EHBP1: variants seen among roughly 807,000 people sequenced by gnomAD.
EHBP1 encodes the protein EH domain binding protein 1.
In EHBP1, 55 loss-of-function variants were observed where a neutral mutation model predicts 144.0. The ratio of observed to expected loss-of-function variants is 0.38; its 90% CI spans 0.31 to 0.48. The LOEUF (loss-of-function observed/expected upper bound fraction) is 0.48. EHBP1 is among the 20% of genes least tolerant of loss of function. EHBP1 has a pLI of 0.98. For synonymous variants in EHBP1, 469 were observed against 472.7 expected, an observed-to-expected ratio of 0.99 and a Z score of 0.10; for missense variants, 1,200 against 1,364.2, an observed-to-expected ratio of 0.88 and a Z score of 1.90.
chr2:62,962,972 A>C (rs2058070540), intron 14 of EHBP1, among the ~76,000 whole-genome samples: 1 of 152,238 alleles, frequency 6.6e-6, no homozygotes, highest in Non-Finnish European at 1.5e-5. Context: ...CTTTTCTCAC[A>C]TAACAGGTAG....
chr2:62,739,899 G>A (rs970075170), intron 2 of EHBP1, among the ~76,000 whole-genome samples: 7 of 142,762 alleles, frequency 4.9e-5, no homozygotes, highest in African/African-American at 7.9e-5. Flanking sequence ...TCACTCCCTT[G>A]TACTCCAGCC....
In EHBP1 at chr2:62,926,778, A is replaced by G. The variant is rs189731951; in HGVS notation, c.1186-15940A>G. On this transcript the variant is annotated intron_variant, in intron 10 of 22. Coordinates refer to ENST00000431489, the MANE Select transcript of EHBP1 (RefSeq NM_001142616.3). ...CACTATAGCCGCTATGGAGAACACT[A>G]TGGAGGTCTCACAAAAAATAAATAG... Among the ~76,000 whole-genome samples the G allele has an allele frequency of 2.1e-4, 32 of 152,274 alleles. 1 individual carries two copies. The East Asian group carries it at 5.0e-3, about 24-fold the overall frequency.
intron 14 of EHBP1, among the ~76,000 whole-genome samples, chr2:62,958,579 A>G (rs1022360143): frequency 6.6e-6 from 1 of 152,222 alleles, no homozygotes; most frequent in African/African-American, 2.4e-5. Context: ...CAAACTTTCT[A>G]GAGGGATAGA....
intron 19 of EHBP1, among the ~76,000 whole-genome samples, chr2:63,008,120 A>G (rs1054939480): frequency 3.3e-5 from 5 of 151,768 alleles, no homozygotes; most frequent in African/African-American, 7.2e-5. Flanking sequence ...AAGTTTTACA[A>G]AGAAATGAAA....
chr2:62,921,204 G>C (rs531343451), intron 10 of EHBP1, among the ~76,000 whole-genome samples: 1 of 152,242 alleles, frequency 6.6e-6, no homozygotes, highest in African/African-American at 2.4e-5. Flanking sequence ...CCAGCACTTT[G>C]GGAGGCTGAG....
At chr2:62,977,834 A>G (rs1160376190) in intron 14 of EHBP1, among the ~76,000 whole-genome samples, 1 of 152,224 alleles carries the variant, frequency 6.6e-6, no homozygotes, top group Non-Finnish European at 1.5e-5. Flanking sequence ...AGTAACATAG[A>G]GGAAGGATTA....
intron 1 of EHBP1, chr2:62,674,200 G>A (rs1326355087): frequency 1.7e-5 from 8 of 464,726 alleles, no homozygotes; most frequent in Non-Finnish European, 3.1e-5. Flanking sequence ...TCATGTGTGT[G>A]TATGTGTGTG....
At chr2:62,902,719 A>G (rs1466315072) in intron 10 of EHBP1, among the ~76,000 whole-genome samples, 1 of 152,168 alleles carries the variant, frequency 6.6e-6, no homozygotes, top group East Asian at 1.9e-4. Context: ...AAGTGGCAAG[A>G]CTCCAAAATA....
At chr2:62,958,175 A>G (rs970650707) in intron 14 of EHBP1, among the ~76,000 whole-genome samples, 1 of 152,174 alleles carries the variant, frequency 6.6e-6, no homozygotes. Flanking sequence ...ATGAAGCTAA[A>G]CATACACTTA....
chr2:62,847,266 A>G lies in EHBP1; in HGVS notation c.635-11903A>G, dbSNP rs188119046. The stretch of plus-strand genomic sequence containing the variant: ...ACAACTGGATGTTTGTATGGAAAAA[A>G]TGAACCTCAACCCCCACCTCTCCAC... On this transcript the variant is annotated intron_variant, in intron 7 of 22. Coordinates refer to ENST00000431489, the MANE Select transcript of EHBP1 (RefSeq NM_001142616.3). Among the ~76,000 whole-genome samples, 273 of 152,348 alleles carry G rather than the reference A, an allele frequency of 1.8e-3. 2 individuals carry two copies. The highest frequency in any genetic ancestry group is 6.2e-3 in the African/African-American group (259 of 41,578).
At chr2:62,830,252 A>G (rs528662732) in intron 6 of EHBP1, among the ~76,000 whole-genome samples, 3 of 151,712 alleles carry the variant, frequency 2.0e-5, no homozygotes, top group African/African-American at 4.8e-5. Flanking sequence ...ACTACTATAT[A>G]TATAATATAT....
At chr2:62,761,965 T>C (rs2040804597) in intron 3 of EHBP1, among the ~76,000 whole-genome samples, 1 of 152,206 alleles carries the variant, frequency 6.6e-6, no homozygotes. Context: ...GTCAGGTCTT[T>C]GTTCTCGTCA....
chr2:62,904,413 C>T (rs1164351294), intron 10 of EHBP1, among the ~76,000 whole-genome samples: 1 of 152,226 alleles, frequency 6.6e-6, no homozygotes, highest in African/African-American at 2.4e-5. Flanking sequence ...TACAGTGCAT[C>T]TACTCCACAT....
At chr2:62,789,292 T>G (rs2043019902) in intron 5 of EHBP1, among the ~76,000 whole-genome samples, 1 of 152,234 alleles carries the variant, frequency 6.6e-6, no homozygotes, top group Non-Finnish European at 1.5e-5. Flanking sequence ...GACCTTGGAA[T>G]TCCTAACTTG....
At chr2:62,817,159 T>C (rs942575478) in intron 5 of EHBP1, among the ~76,000 whole-genome samples, 1 of 152,194 alleles carries the variant, frequency 6.6e-6, no homozygotes, top group African/African-American at 2.4e-5. Context: ...AGGGCTAGGA[T>C]ACAGTGGTGA....
Position 62,794,430 on chromosome 2 carries a change from C to T in EHBP1, c.312+23038C>T, listed in dbSNP as rs931695198. Among the ~76,000 whole-genome samples the T allele has an allele frequency of 7.2e-5, 11 of 151,974 alleles. No individual in the cohort carries two copies. The East Asian group carries it at 1.9e-3, about 27-fold the overall frequency. ...CAGCATTTTACATTTCTCACTAACT[C>T]TTCTTATGTATTCATATATTAAGTA... On this transcript the variant is annotated intron_variant, in intron 5 of 22. Transcript: ENST00000431489.
intron 10 of EHBP1, among the ~76,000 whole-genome samples, chr2:62,875,561 C>G (rs2050826915): frequency 6.6e-6 from 1 of 152,206 alleles, no homozygotes. Context: ...AGTGCAAGAA[C>G]AATGGCAACT....
At chr2:62,754,191 T>C (rs2040039421) in intron 3 of EHBP1, among the ~76,000 whole-genome samples, 2 of 152,206 alleles carry the variant, frequency 1.3e-5, no homozygotes, top group South Asian at 2.1e-4. Context: ...TCCTTTCTGT[T>C]TGTTAGTTTC....
chr2:62,730,442 A>G (rs2037397564), intron 2 of EHBP1, among the ~76,000 whole-genome samples: 1 of 152,124 alleles, frequency 6.6e-6, no homozygotes, highest in South Asian at 2.1e-4. Flanking sequence ...AGTCATCAAT[A>G]TGCATTGAAG....
Sources: allele counts gnomAD v4.1 joint callset (sites outside exome capture counted in the v4.1 genomes callset), GRCh38; gene constraint gnomAD v4.1.1; transcripts MANE v1.5; gene names NCBI Gene and HGNC (gene_info 2026-07-23, HGNC 2026-07-21).